LGI4: variants seen among roughly 807,000 people sequenced by gnomAD.
LGI4 encodes the protein leucine-rich repeat LGI family member 4.
Under a neutral mutation model 48.3 loss-of-function variants are expected in LGI4, and 36 were observed. That is an observed-to-expected ratio of 0.75 (90% CI 0.57 to 0.98). The LOEUF (loss-of-function observed/expected upper bound fraction) is 0.98, where lower values mean the gene tolerates loss of function less well. Among genes scored for constraint, LGI4 ranks in the 50% least tolerant of loss-of-function variants. The pLI, the probability that LGI4 is intolerant of heterozygous loss-of-function variation, is 0.00. For synonymous variants in LGI4, 355 were observed against 331.6 expected (o/e 1.07, Z -0.77); for missense variants, 701 against 732.1 (o/e 0.96, Z 0.49).
At chr19:35,129,235 T>C (rs2065159536) in intron 6 of LGI4, among the ~76,000 whole-genome samples, 2 of 152,120 alleles carry the variant, frequency 1.3e-5, no homozygotes, top group Non-Finnish European at 1.5e-5. Context: ...TAAATCCCCT[T>C]CTTCTATGTG....
At chr19:35,127,706 C>A (rs1012168904) in intron 6 of LGI4, among the ~76,000 whole-genome samples, 2 of 152,162 alleles carry the variant, frequency 1.3e-5, no homozygotes, top group African/African-American at 4.8e-5. Context: ...ATTTTCTAAG[C>A]TGTGTGGCAT....
Position 35,125,423 on chromosome 19 carries a change from C to A in LGI4, c.1384G>T (p.Ala462Ser), listed in dbSNP as rs762429147. 6.2e-7 allele frequency: 1 copy of A among 1,609,366 alleles called. No homozygotes were observed. Among genetic ancestry groups the A allele is most frequent in the Non-Finnish European group, 8.5e-7 (1 of 1,177,864 alleles). Residue 462 changes from alanine (A) to serine (S), a missense_variant, in exon 9 of 9, where the codon GCC (alanine) becomes TCC (serine). By Grantham distance (99) the Ala-to-Ser change is moderately conservative (BLOSUM62 1). Around this residue, in one of 3 missense-constraint regions of LGI4, gnomAD observed 223 missense variants for 263.3 expected, o/e 0.85. Transcript: ENST00000310123. The stretch of plus-strand genomic sequence containing the variant: ...CCTAGGATGGCCAGCTGGTCCCTGG[C>A]GATGAGCAGTGGCTGGAAGACGTGG... The part of the protein sequence containing the change: ...GAHVFQPLLI[A>S]RDQLAILGSD...
chr19:35,125,208 G>A lies in LGI4; in HGVS notation c.1599C>T (p.Ile533=), dbSNP rs138821361. 241 of 1,528,408 alleles carry A rather than the reference G, an allele frequency of 1.6e-4. No homozygotes were observed. The highest frequency in any genetic ancestry group is 2.0e-4 in the Non-Finnish European group (228 of 1,135,056). 94.7% of individuals were successfully genotyped at this position (1,528,408 alleles called of 1,614,324 possible). Reference sequence around the variant, plus strand: ...GTTGGTGGTCTCAGGCACTGAGGTCGATCTCGTGATGCTGGTAGATCTGTG... The same window carrying A: ...GTTGGTGGTCTCAGGCACTGAGGTCAATCTCGTGATGCTGGTAGATCTGTG... The part of the protein sequence containing the change: ...GPTQIYQHHE[I]DLSA Residue 533 remains isoleucine (I), a synonymous_variant, in exon 9 of 9, where the codon ATC becomes ATT. Transcript: ENST00000310123.
chr19:35,131,697 T>C (rs1269117886), intron 5 of LGI4, 92 bp downstream of exon 5: 4 of 1,393,194 alleles, frequency 2.9e-6, no homozygotes, highest in Non-Finnish European at 4.0e-6. Flanking sequence ...TGCAGCCAAA[T>C]GCATGCACGC....
rs1455035744 is a variant in LGI4, at chr19:35,133,399, AGG to A, written c.314+292_314+293del. 19 of 1,252,630 alleles carry A rather than the reference AGG, an allele frequency of 1.5e-5. No homozygotes were observed. The African/African-American group carries it at 2.9e-4, about 19-fold the overall frequency. 77.6% of individuals were successfully genotyped at this position (1,252,630 alleles called of 1,614,324 possible). Reference sequence around the variant, plus strand: ...CACCCTTCCTGGGTTTCTATGAGTCAGGGAGAGCCAGAATCAGGCTCTGGTTA... The same window carrying A: ...CACCCTTCCTGGGTTTCTATGAGTCAGAGAGCCAGAATCAGGCTCTGGTTA... On this transcript the variant is annotated intron_variant, in intron 3 of 8. Transcript: ENST00000310123.
intron 6 of LGI4, among the ~76,000 whole-genome samples, chr19:35,128,713 A>G (rs2065156255): frequency 6.6e-6 from 1 of 152,150 alleles, no homozygotes; most frequent in Non-Finnish European, 1.5e-5. Context: ...TCCTGTTTCA[A>G]ATAAACAAAC....
chr19:35,131,594 C>G, intron 5 of LGI4, 39 bp from the exon 6 acceptor site: 2 of 1,538,586 alleles, frequency 1.3e-6, no homozygotes, highest in Non-Finnish European at 1.8e-6. Context: ...GACCCGGCTT[C>G]CACGCCCTGG....
At position 35,126,920 on chromosome 19, in the gene LGI4, G is replaced by A. The variant is rs367648964; in HGVS notation, c.726C>T (p.Ala242=). The A allele has an allele frequency of 3.7e-5, 60 of 1,613,570 alleles. No homozygotes were observed. Among genetic ancestry groups the A allele is most frequent in the East Asian group, 1.3e-4 (6 of 44,880 alleles). ...EPHIVLAQPF[A]GRCLILSWDY... ...CCCAGGAGAGAATCAGGCAGCGGCC[G>A]GCGAAGGGCTGTGCCAGCACAATGT... The change falls in exon 7 of 9, where the codon GCC becomes GCT. Residue 242 remains alanine, a synonymous_variant. Coordinates refer to ENST00000310123, the MANE Select transcript of LGI4 (RefSeq NM_139284.3).
rs1465643839 is a variant in LGI4 at position 35,125,729 on chromosome 19, C to G, written c.1300-222G>C. 7.2e-6 allele frequency: 5 copies of G among 695,182 alleles called. No individual in the cohort carries two copies. The South Asian group carries it at 7.5e-5, about 10-fold the overall frequency. The allele number at this position is 695,182 out of a possible 1,614,324, so 43.1% of individuals were successfully genotyped here. ...ACTCAGCCATGGACTCTGTCAGTTT[C>G]ACCTTCTACAGTTGTACATTTCTCC... On this transcript the variant is annotated intron_variant, in intron 8 of 8. Transcript: ENST00000310123.
At chr19:35,128,010 C>G (rs544060375) in intron 6 of LGI4, among the ~76,000 whole-genome samples, 1 of 152,176 alleles carries the variant, frequency 6.6e-6, no homozygotes, top group African/African-American at 2.4e-5. Context: ...GGAACAAGGG[C>G]AGATGTGATG....
chr19:35,126,217 A>G lies in LGI4; in HGVS notation c.1299+53T>C, dbSNP rs1197595186. 3 of 1,579,556 alleles carry G rather than the reference A, an allele frequency of 1.9e-6. No individual in the cohort carries two copies. The African/African-American group carries it at 4.0e-5, about 21-fold the overall frequency. The stretch of plus-strand genomic sequence containing the variant: ...GTCAGAGTTTAGAGGCTTAGTGTGC[A>G]AGATTGGGTCAGTGCTGAAAAGCCA... On this transcript the variant is annotated intron_variant, in intron 8 of 8. Transcript: ENST00000310123.
intron 6 of LGI4, chr19:35,131,165 A>G: frequency 1.5e-6 from 1 of 646,166 alleles, no homozygotes; most frequent in Admixed American, 2.6e-5. Context: ...CAAATGCCGA[A>G]CACGTGAAGA....
In LGI4 at chr19:35,128,124, A is replaced by G. The variant is rs77839711; in HGVS notation, c.629-1107T>C. ...TGGTTTCAAGCCTGAAAGCAAGGACAATGCCCAGGGACTGCCCCACGTACC... is the reference window on the plus strand; with the variant it reads ...TGGTTTCAAGCCTGAAAGCAAGGACGATGCCCAGGGACTGCCCCACGTACC... On this transcript the variant is annotated intron_variant, in intron 6 of 8. Coordinates refer to ENST00000310123, the MANE Select transcript of LGI4 (RefSeq NM_139284.3). Among the ~76,000 whole-genome samples, 519 of 152,348 alleles carry G rather than the reference A, an allele frequency of 3.4e-3. 4 individuals carry two copies. The highest frequency in any genetic ancestry group is 0.012 in the African/African-American group (499 of 41,592).
chr19:35,131,504 C>T lies in LGI4; in HGVS notation c.510G>A (p.Leu170=), dbSNP rs1300197074. ...TGGCATTCACGGTGGGCATCCACTG[C>T]AGGAGCCAGAGGACGCGGCAGTCAC... ...FQCDCRVLWL[L]QWMPTVNASV... is the part of the protein sequence containing the mutation. Residue 170 remains leucine (L), a synonymous_variant, in exon 6 of 9, where the codon CTG becomes CTA. Coordinates refer to ENST00000310123, the MANE Select transcript of LGI4 (RefSeq NM_139284.3). The T allele has an allele frequency of 6.4e-7, 1 of 1,551,308 alleles. No homozygotes were observed. Among genetic ancestry groups the T allele is most frequent in the East Asian group, 2.4e-5 (1 of 40,934 alleles).
intron 2 of LGI4, 101 bp from the exon 3 acceptor site, chr19:35,133,865 G>A (rs1390308862): frequency 5.8e-6 from 8 of 1,370,566 alleles, no homozygotes; most frequent in Admixed American, 4.0e-5. Flanking sequence ...TGGGCACGCA[G>A]GTGTGAGTAT....
At chr19:35,131,916 G>C (rs527974677) in intron 4 of LGI4, 55 bp downstream of exon 4, 6 of 1,563,596 alleles carry the variant, frequency 3.8e-6, no homozygotes, top group African/African-American at 1.4e-5. Context: ...TGTGTTCCCT[G>C]GGGGGTGGAG....
intron 3 of LGI4, 75 bp downstream of exon 3, chr19:35,133,618 C>G: frequency 6.6e-7 from 1 of 1,512,610 alleles, no homozygotes; most frequent in Non-Finnish European, 9.0e-7. Flanking sequence ...GCTCCCATCT[C>G]CCCCTACTCT....
rs989026329 is a variant in LGI4, at chr19:35,133,519, A to G, written c.314+174T>C. On this transcript the variant is annotated intron_variant, in intron 3 of 8. Coordinates refer to ENST00000310123, the MANE Select transcript of LGI4 (RefSeq NM_139284.3). ...CACCAGCCCTGAGAACTTCATCAGT[A>G]TCACCCAAAGCATCATCACCATTGG... 11 of 1,442,360 alleles carry G rather than the reference A, an allele frequency of 7.6e-6. No individual in the cohort carries two copies. In the African/African-American group the frequency reaches 1.6e-4, roughly 21 times the overall value. The allele number at this position is 1,442,360 out of a possible 1,614,324, so 89.3% of individuals were successfully genotyped here. A position where few individuals can be genotyped will look rare whatever the true frequency, so the allele number is the denominator to read the frequency against.
At chr19:35,126,249 C>T (rs756666592) in intron 8 of LGI4, 21 bp downstream of exon 8, 22 of 1,606,600 alleles carry the variant, frequency 1.4e-5, no homozygotes, top group Middle Eastern at 1.6e-4. Context: ...GCCAGCCCCC[C>T]GCCCCCAGGC....
Sources: gnomAD v4.1 joint callset for allele counts (sites outside exome capture counted in the v4.1 genomes callset) on GRCh38, gnomAD v4.1.1 for gene constraint, gnomAD v4.1.1 regional missense constraint, MANE v1.5 for transcripts, NCBI Gene and HGNC (gene_info 2026-07-23, HGNC 2026-07-21) for gene names.